Variants in CDIP1 observed in about 807,000 individuals in gnomAD.
CDIP1 encodes cell death-inducing p53-target protein 1.
Under a neutral mutation model 17.7 loss-of-function variants are expected in CDIP1, and 9 were observed. That is an observed-to-expected ratio of 0.51 (90% CI 0.31 to 0.89). The LOEUF (loss-of-function observed/expected upper bound fraction) is 0.89. Ranked by LOEUF, CDIP1 falls within the 40% of genes least tolerant of loss-of-function variation. The pLI is 0.05. For synonymous variants in CDIP1, 117 were observed against 109.5 expected (o/e 1.07, Z -0.43); for missense variants, 263 against 277.9 (o/e 0.95, Z 0.38).
chr16:4,513,155 C>A lies in CDIP1; in HGVS notation c.242-91G>T. On this transcript the variant is annotated intron_variant, in intron 4 of 5. Coordinates refer to ENST00000567695, the MANE Select transcript of CDIP1 (RefSeq NM_013399.3). This position sits in a 1 kb window ranked among gnomAD's most constrained non-coding sequence, Gnocchi z 4.1. ...TGGCGCAAAGCCCCACGGTCCACAGCGCCCAGCGTGCAAGGCTACGCCTCA... is the reference window on the plus strand; with the variant it reads ...TGGCGCAAAGCCCCACGGTCCACAGAGCCCAGCGTGCAAGGCTACGCCTCA... The A allele has an allele frequency of 1.5e-6, 2 of 1,320,288 alleles. No individual in the cohort carries two copies. The highest frequency in any genetic ancestry group is 1.5e-5 in the South Asian group (1 of 67,088). The allele number at this position is 1,320,288 out of a possible 1,614,324, so 81.8% of individuals were successfully genotyped here.
chr16:4,511,052 G>A lies in CDIP1; in HGVS notation c.*1520C>T, dbSNP rs1398028565. ...ATAGATGGTTGAAACCAGCATCAGA[G>A]GAAGGAAGGTGACCTTACAGCCACT... On this transcript the variant is annotated 3_prime_UTR_variant, in exon 6 of 6. Coordinates refer to ENST00000567695, the MANE Select transcript of CDIP1 (RefSeq NM_013399.3). The A allele has an allele frequency of 6.6e-6, 1 of 152,248 alleles. No individual in the cohort carries two copies. The highest frequency in any genetic ancestry group is 2.4e-5 in the African/African-American group (1 of 41,444). 9.4% of individuals were successfully genotyped at this position (152,248 alleles called of 1,614,324 possible).
chr16:4,517,288 T>G (rs1335524868), intron 1 of CDIP1, among the ~76,000 whole-genome samples: 2 of 152,210 alleles, frequency 1.3e-5, no homozygotes, highest in Non-Finnish European at 2.9e-5. Context: ...TCTTTCCAAG[T>G]GTTCAGAAAT....
intron 1 of CDIP1, among the ~76,000 whole-genome samples, chr16:4,535,873 G>A (rs2059101638): frequency 7.6e-6 from 1 of 132,394 alleles, no homozygotes; most frequent in South Asian, 2.6e-4. Flanking sequence ...CAGAGACTGT[G>A]GCTTGGAGAC....
At chr16:4,525,834 G>A (rs917033844) in intron 1 of CDIP1, among the ~76,000 whole-genome samples, 1 of 152,226 alleles carries the variant, frequency 6.6e-6, no homozygotes, top group Non-Finnish European at 1.5e-5. Flanking sequence ...GGCAGGCCTG[G>A]AAAATCCTGA....
chr16:4,519,390 GTTCCATGACTGCCCCCCACT>G (rs377521228), intron 1 of CDIP1, among the ~76,000 whole-genome samples: 2,215 of 152,344 alleles, frequency 0.015, 36 homozygotes, highest in Non-Finnish European at 0.021. Context: ...TGAGGGCTCA[GTTCCATGACTGCCCCCCACT>G]TCTGATCATC....
rs1362531393 is a variant in CDIP1, at chr16:4,513,823, G to A, written c.114C>T (p.Pro38=). 1.3e-6 allele frequency: 2 copies of A among 1,592,644 alleles called. No individual in the cohort carries two copies. Among genetic ancestry groups the A allele is most frequent in the South Asian group, 2.3e-5 (2 of 87,750 alleles). ...CAGGGGGCAGTGGCATGCCTGGAGG[G>A]GGCTGCATCACAGCTGGGGAGGAAC... ...PGRSSPAVMQ[P]PPGMPLPPAD... The change falls in exon 4 of 6, where the codon CCC becomes CCT. Residue 38 remains proline (P), a synonymous_variant. Transcript: ENST00000567695. This position sits in a 1 kb window ranked among gnomAD's most constrained non-coding sequence, Gnocchi z 4.1.
chr16:4,538,015 AGGGGCTGGCTCGGCCAC>A (rs940587154), intron 1 of CDIP1, among the ~76,000 whole-genome samples: 1 of 152,188 alleles, frequency 6.6e-6, no homozygotes, highest in Non-Finnish European at 1.5e-5. Context: ...GGGGCTCGGC[AGGGGCTGGCTCGGCCAC>A]GGGGCTCCTC....
rs527612633 is a variant in CDIP1 at position 4,537,386 on chromosome 16, C to A, written c.-105+1316G>T. 2.4e-3 allele frequency among the ~76,000 whole-genome samples: 363 copies of A among 152,232 alleles called. 1 individual carries two copies. The highest frequency in any genetic ancestry group is 3.3e-3 in the South Asian group (16 of 4,820). On this transcript the variant is annotated intron_variant, in intron 1 of 5. Coordinates refer to ENST00000567695, the MANE Select transcript of CDIP1 (RefSeq NM_013399.3). ...GGCAAGTGACTGGGCATAACCTTTCCGATTAAGGGCAGAGGGCAAGGCAGA... is the reference window on the plus strand; with the variant it reads ...GGCAAGTGACTGGGCATAACCTTTCAGATTAAGGGCAGAGGGCAAGGCAGA...
Position 4,513,625 on chromosome 16 carries a change from A to G in CDIP1, c.241+71T>C. The G allele has an allele frequency of 7.1e-7, 1 of 1,398,724 alleles. No individual in the cohort carries two copies. The highest frequency in any genetic ancestry group is 1.0e-6 in the Non-Finnish European group (1 of 1,000,172). 86.6% of individuals were successfully genotyped at this position (1,398,724 alleles called of 1,614,324 possible). ...CTACAGCAGATGCCCACCTGTACTG[A>G]GGACAGCCAGCGCAGGCCAGACAGC... On this transcript the variant is annotated intron_variant, in intron 4 of 5. Coordinates refer to ENST00000567695, the MANE Select transcript of CDIP1 (RefSeq NM_013399.3). The surrounding 1 kb of genome is among the most constrained non-coding windows in gnomAD (Gnocchi z 4.1).
Position 4,513,650 on chromosome 16 carries a change from C to A in CDIP1, c.241+46G>T. 6.4e-7 allele frequency: 1 copy of A among 1,564,048 alleles called. No individual in the cohort carries two copies. The highest frequency in any genetic ancestry group is 8.7e-7 in the Non-Finnish European group (1 of 1,143,004). ...AGGACAGCCAGCGCAGGCCAGACAG[C>A]AGCCAGGAGTTCCCCATGCTCCCCT... is the stretch of plus-strand genomic sequence containing the variant. On this transcript the variant is annotated intron_variant, in intron 4 of 5. Transcript: ENST00000567695. This position sits in a 1 kb window ranked among gnomAD's most constrained non-coding sequence, Gnocchi z 4.1.
chr16:4,536,346 C>G (rs1041000327), intron 1 of CDIP1: 10 of 152,156 alleles, frequency 6.6e-5, no homozygotes, highest in Non-Finnish European at 1.3e-4. Flanking sequence ...TCTAGTCCAT[C>G]AACACCATGA....
At chr16:4,537,843 C>A (rs1284976359) in intron 1 of CDIP1, among the ~76,000 whole-genome samples, 1 of 152,250 alleles carries the variant, frequency 6.6e-6, no homozygotes. Flanking sequence ...ACTCGCTAAG[C>A]CAAGGTCCTC....
intron 1 of CDIP1, among the ~76,000 whole-genome samples, chr16:4,537,564 C>T (rs2059121497): frequency 6.6e-6 from 1 of 152,178 alleles, no homozygotes; most frequent in African/African-American, 2.4e-5. Flanking sequence ...ATGGAACGTC[C>T]CTGCCCCCGG....
At chr16:4,530,826 A>G (rs2141657141) in intron 1 of CDIP1, among the ~76,000 whole-genome samples, 1 of 152,172 alleles carries the variant, frequency 6.6e-6, no homozygotes, top group Middle Eastern at 3.4e-3. Context: ...CAACAAAGCA[A>G]GACTCTGCCT....
At chr16:4,531,829 T>C (rs1567423428) in intron 1 of CDIP1, among the ~76,000 whole-genome samples, 1 of 152,264 alleles carries the variant, frequency 6.6e-6, no homozygotes, top group Non-Finnish European at 1.5e-5. Context: ...TCACACAGTG[T>C]AGCTCACACA....
At chr16:4,525,045 G>C (rs936018082) in intron 1 of CDIP1, among the ~76,000 whole-genome samples, 1 of 152,074 alleles carries the variant, frequency 6.6e-6, no homozygotes, top group Non-Finnish European at 1.5e-5. Context: ...AGGCTACAAA[G>C]AGCTATGTCA....
intron 1 of CDIP1, chr16:4,536,733 T>TA (rs1426299485): frequency 3.1e-5 from 4 of 128,182 alleles, no homozygotes; most frequent in South Asian, 2.4e-4. Context: ...GCCCAGGAGT[T>TA]AGAGACCAGC....
intron 1 of CDIP1, among the ~76,000 whole-genome samples, chr16:4,526,175 G>A (rs533956706): frequency 2.0e-5 from 3 of 152,282 alleles, no homozygotes; most frequent in African/African-American, 7.2e-5. Context: ...GGGAGGCAGA[G>A]GTGGGCGGAT....
Position 4,513,378 on chromosome 16 carries a change from C to T in CDIP1, c.242-314G>A, listed in dbSNP as rs2058853647. Among the ~76,000 whole-genome samples the T allele has an allele frequency of 6.6e-6, 1 of 152,194 alleles. No individual in the cohort carries two copies. The highest frequency in any genetic ancestry group is 1.5e-5 in the Non-Finnish European group (1 of 68,026). ...AGCATGCAAGGACAGGGCACTCAGC[C>T]TCAAGCCCATGACCAAGAGAGGGAA... On this transcript the variant is annotated intron_variant, in intron 4 of 5. Transcript: ENST00000567695. This position sits in a 1 kb window ranked among gnomAD's most constrained non-coding sequence, Gnocchi z 4.1.
Sources: allele counts gnomAD v4.1 joint callset (sites outside exome capture counted in the v4.1 genomes callset), GRCh38; gene constraint gnomAD v4.1.1; non-coding constraint Gnocchi (gnomAD v3.1); transcripts MANE v1.5; gene names NCBI Gene and HGNC (gene_info 2026-07-23, HGNC 2026-07-21).